KAZN: variants seen among roughly 807,000 people sequenced by gnomAD.
KAZN encodes the protein kazrin, periplakin interacting protein.
KAZN carries 40 observed loss-of-function variants against 87.4 expected under a neutral mutation model. The observed-to-expected ratio is 0.46, with a 90% CI of 0.36 to 0.60. KAZN has a LOEUF of 0.60. KAZN is among the 20% of genes least tolerant of loss of function. KAZN has a pLI of 0.00. For synonymous variants in KAZN, 466 were observed against 458.3 expected, an observed-to-expected ratio of 1.02 and a Z score of -0.22; for missense variants, 898 against 1,073.9, an observed-to-expected ratio of 0.84 and a Z score of 2.29.
At chr1:14,166,610 T>TAA (rs1645832130) in intron 1 of KAZN, among the ~76,000 whole-genome samples, 3 of 151,652 alleles carry the variant, frequency 2.0e-5, no homozygotes. Flanking sequence ...TTGGTACTAT[T>TAA]GTGTTACTAT....
At chr1:14,963,655 G>A (rs911107867) in intron 2 of KAZN, among the ~76,000 whole-genome samples, 4 of 152,084 alleles carry the variant, frequency 2.6e-5, no homozygotes, top group Non-Finnish European at 5.9e-5. Flanking sequence ...TCTAAGTTCT[G>A]GGTTACATGT....
intron 1 of KAZN, among the ~76,000 whole-genome samples, chr1:13,958,299 G>C (rs770334202): frequency 6.6e-5 from 10 of 152,104 alleles, no homozygotes; most frequent in Non-Finnish European, 5.9e-5. Context: ...GGCTGGGTGC[G>C]GTGGCTCACG....
chr1:14,927,731 A>G (rs1659322686), intron 1 of KAZN, among the ~76,000 whole-genome samples: 3 of 152,248 alleles, frequency 2.0e-5, no homozygotes, highest in Admixed American at 2.0e-4. Flanking sequence ...CCCCGAGCTC[A>G]GAAAGCCACG....
intron 1 of KAZN, among the ~76,000 whole-genome samples, chr1:13,951,442 A>G (rs1207460842): frequency 6.6e-6 from 1 of 152,182 alleles, no homozygotes; most frequent in Non-Finnish European, 1.5e-5. Context: ...TGGTGAGCTC[A>G]GGATGGCCCC....
At chr1:13,906,701 G>T (rs1401105600) in intron 1 of KAZN, among the ~76,000 whole-genome samples, 1 of 152,168 alleles carries the variant, frequency 6.6e-6, no homozygotes, top group African/African-American at 2.4e-5. Context: ...CTCAGACACT[G>T]GACAAGACAT....
chr1:15,105,280 C>A (rs574916111), intron 13 of KAZN, among the ~76,000 whole-genome samples: 5 of 152,292 alleles, frequency 3.3e-5, no homozygotes, highest in Admixed American at 1.3e-4. Flanking sequence ...ACCAGCGAAG[C>A]CATCTGGTCT....
intron 2 of KAZN, among the ~76,000 whole-genome samples, chr1:14,551,435 C>A (rs114566622): frequency 6.6e-6 from 1 of 152,140 alleles, no homozygotes; most frequent in African/African-American, 2.4e-5. Context: ...CAGCTAGGCT[C>A]GGGACAAATC....
intron 1 of KAZN, among the ~76,000 whole-genome samples, chr1:14,644,002 CTTTTTT>C (rs34535562): frequency 5.0e-5 from 3 of 60,344 alleles, no homozygotes; most frequent in Admixed American, 2.3e-4. Context: ...CCTTTGCCCA[CTTTTTT>C]TTTTTTTTTT....
intron 2 of KAZN, among the ~76,000 whole-genome samples, chr1:14,230,825 A>T (rs1250639470): frequency 2.0e-5 from 3 of 152,114 alleles, no homozygotes; most frequent in African/African-American, 7.2e-5. Context: ...AAAACATTGC[A>T]TTTGCATTTA....
intron 1 of KAZN, among the ~76,000 whole-genome samples, chr1:14,628,097 G>T (rs780070788): frequency 7.2e-5 from 11 of 152,134 alleles, no homozygotes; most frequent in Admixed American, 2.0e-4. Flanking sequence ...GTTATTTTCT[G>T]CCTTTGCAAT....
chr1:14,905,888 G>A (rs1656486920), intron 1 of KAZN, among the ~76,000 whole-genome samples: 2 of 145,274 alleles, frequency 1.4e-5, no homozygotes, highest in Admixed American at 1.4e-4. Context: ...TACAGCACAG[G>A]CCGGACACGG....
intron 2 of KAZN, among the ~76,000 whole-genome samples, chr1:14,470,023 T>C (rs1668370134): frequency 6.6e-6 from 1 of 152,170 alleles, no homozygotes; most frequent in South Asian, 2.1e-4. Context: ...TGAGTCTGGG[T>C]GGTGATAATG....
Position 14,087,184 on chromosome 1 carries a change from G to A in KAZN, c.92-93251G>A, listed in dbSNP as rs148502708. On this transcript the variant is annotated intron_variant, in intron 1 of 16. Transcript: ENST00000636203. Reference sequence around the variant, plus strand: ...TTAAGTTTTCTCAGAAATGTTCTTCGTGTACAGGTCTTGCACTTAAAAAAT... The same window carrying A: ...TTAAGTTTTCTCAGAAATGTTCTTCATGTACAGGTCTTGCACTTAAAAAAT... 6.6e-3 allele frequency among the ~76,000 whole-genome samples: 1,001 copies of A among 152,162 alleles called. 10 individuals are homozygous for A. In the South Asian group the frequency reaches 0.067, roughly 10 times the overall value.
At chr1:14,210,996 T>G (rs928863269) in intron 2 of KAZN, among the ~76,000 whole-genome samples, 1 of 152,004 alleles carries the variant, frequency 6.6e-6, no homozygotes. Context: ...AATTATAGAT[T>G]ATTATAATTA....
intron 1 of KAZN, among the ~76,000 whole-genome samples, chr1:14,845,981 C>T (rs536852770): frequency 2.6e-5 from 4 of 152,214 alleles, no homozygotes; most frequent in African/African-American, 9.6e-5. Context: ...CAGAAAAATC[C>T]CGTGTCTCCC....
chr1:14,469,147 C>T (rs1229077307), intron 2 of KAZN, among the ~76,000 whole-genome samples: 2 of 152,152 alleles, frequency 1.3e-5, no homozygotes, highest in Non-Finnish European at 2.9e-5. Flanking sequence ...CTGGACACAA[C>T]CACTCAGAAT....
At chr1:14,939,279 T>C (rs1469695198) in intron 1 of KAZN, among the ~76,000 whole-genome samples, 4 of 151,438 alleles carry the variant, frequency 2.6e-5, no homozygotes, top group African/African-American at 4.9e-5. Context: ...GCCTGTTTAT[T>C]CATTTTAGAC....
intron 1 of KAZN, among the ~76,000 whole-genome samples, chr1:14,659,035 C>T (rs979719395): frequency 6.6e-6 from 1 of 152,064 alleles, no homozygotes; most frequent in African/African-American, 2.4e-5. Flanking sequence ...GGCCACAGTT[C>T]GAGACCAGCC....
chr1:13,916,857 G>A (rs747715124), intron 1 of KAZN, among the ~76,000 whole-genome samples: 2 of 152,092 alleles, frequency 1.3e-5, no homozygotes, highest in Non-Finnish European at 2.9e-5. Flanking sequence ...TCATGGTTGA[G>A]GTGAGTGGGC....
Sources: gnomAD v4.1 joint callset for allele counts (sites outside exome capture counted in the v4.1 genomes callset) on GRCh38, gnomAD v4.1.1 for gene constraint, MANE v1.5 for transcripts, NCBI Gene and HGNC (gene_info 2026-07-23, HGNC 2026-07-21) for gene names.